Variants in MACROD1 observed in about 807,000 individuals in gnomAD.
MACROD1 encodes the protein mono-ADP ribosylhydrolase 1, also known as ADP-ribose glycohydrolase MACROD1.
A neutral mutation model predicts 41.4 loss-of-function variants in MACROD1; 31 were observed. That is an observed-to-expected ratio of 0.75 (90% CI 0.56 to 1.01). The LOEUF is 1.01. Ranked by LOEUF, MACROD1 falls within the 50% of genes least tolerant of loss-of-function variation. MACROD1 has a pLI of 0.00. For synonymous variants in MACROD1, 252 were observed against 203.4 expected (o/e 1.24, Z -2.03); for missense variants, 473 against 460.0 (o/e 1.03, Z -0.26).
intron 3 of MACROD1, among the ~76,000 whole-genome samples, chr11:64,110,236 G>T (rs1565236964): frequency 6.6e-6 from 1 of 152,078 alleles, no homozygotes; most frequent in Non-Finnish European, 1.5e-5. Flanking sequence ...GATTGCTTGA[G>T]CCTAGGAGTT....
At chr11:64,133,567 G>A (rs1400765665) in intron 3 of MACROD1, among the ~76,000 whole-genome samples, 1 of 152,206 alleles carries the variant, frequency 6.6e-6, no homozygotes, top group Non-Finnish European at 1.5e-5. Flanking sequence ...GACACAGGTA[G>A]AGCAGGCAGA....
At chr11:64,128,765 C>A (rs1590949547) in intron 3 of MACROD1, among the ~76,000 whole-genome samples, 1 of 152,144 alleles carries the variant, frequency 6.6e-6, no homozygotes, top group African/African-American at 2.4e-5. Context: ...CTCACCTGCA[C>A]AGGTGACCCC....
intron 4 of MACROD1, among the ~76,000 whole-genome samples, chr11:64,010,389 G>A (rs1352501510): frequency 1.3e-5 from 2 of 150,858 alleles, no homozygotes; most frequent in Admixed American, 6.6e-5. Context: ...TGGCTGGGGT[G>A]TTGACCGGGG....
intron 3 of MACROD1, among the ~76,000 whole-genome samples, chr11:64,128,027 T>C (rs186431111): frequency 2.6e-5 from 4 of 152,334 alleles, no homozygotes; most frequent in Admixed American, 2.6e-4. Context: ...TTTTTCCTTA[T>C]ATTCCAAAGA....
chr11:64,123,762 G>T (rs1043612392), intron 3 of MACROD1, among the ~76,000 whole-genome samples: 4 of 152,128 alleles, frequency 2.6e-5, no homozygotes, highest in Non-Finnish European at 5.9e-5. Flanking sequence ...GTTCTGGGTG[G>T]GTCTGTCTCC....
intron 4 of MACROD1, among the ~76,000 whole-genome samples, chr11:64,006,135 C>T (rs1040825071): frequency 3.9e-5 from 6 of 152,238 alleles, no homozygotes; most frequent in African/African-American, 9.6e-5. Context: ...CTTGCTGCCC[C>T]AGGCTTCTAA....
chr11:64,077,853 AGGAGCC>A (rs1944232135), intron 3 of MACROD1, among the ~76,000 whole-genome samples: 1 of 152,192 alleles, frequency 6.6e-6, no homozygotes, highest in Non-Finnish European at 1.5e-5. Context: ...GGTGGGCTTC[AGGAGCC>A]CAGGGCCCCC....
intron 3 of MACROD1, among the ~76,000 whole-genome samples, chr11:64,099,487 C>T (rs2845889): frequency 0.26 from 39,579 of 151,780 alleles, 5,690 homozygotes; most frequent in Admixed American, 0.35. Flanking sequence ...AATGGAGAGA[C>T]GGATGGATGA....
At chr11:64,057,962 G>A (rs372466012) in intron 3 of MACROD1, among the ~76,000 whole-genome samples, 2 of 152,178 alleles carry the variant, frequency 1.3e-5, no homozygotes, top group East Asian at 1.9e-4. Flanking sequence ...CCAAGACAAC[G>A]CTGCCACTGC....
At chr11:64,130,821 T>C (rs1945255403) in intron 3 of MACROD1, among the ~76,000 whole-genome samples, 1 of 152,204 alleles carries the variant, frequency 6.6e-6, no homozygotes, top group Admixed American at 6.5e-5. Context: ...AAACAGGCTC[T>C]CTGGAGTGCT....
At chr11:64,151,742 C>T (rs1590972461) in intron 2 of MACROD1, among the ~76,000 whole-genome samples, 1 of 152,338 alleles carries the variant, frequency 6.6e-6, no homozygotes, top group East Asian at 1.9e-4. Flanking sequence ...CAGCTCCCCA[C>T]AAGCAAGTAA....
intron 3 of MACROD1, among the ~76,000 whole-genome samples, chr11:64,099,014 G>A (rs1944625617): frequency 6.6e-6 from 1 of 152,254 alleles, no homozygotes; most frequent in Non-Finnish European, 1.5e-5. Context: ...GTAAAGCTGA[G>A]GGCCTGAGGA....
chr11:64,077,822 A>G (rs1212642), intron 3 of MACROD1, among the ~76,000 whole-genome samples: 90,973 of 152,120 alleles, frequency 0.6, 27,579 homozygotes, highest in Admixed American at 0.64. Flanking sequence ...ACATTTGGGC[A>G]AGGAGTCTCC....
rs369397837 is a variant in MACROD1 at position 64,015,284 on chromosome 11, G to A, written c.518-3C>T. 1.1e-5 allele frequency: 18 copies of A among 1,605,920 alleles called. No individual in the cohort carries two copies. The highest frequency in any genetic ancestry group is 1.5e-5 in the Non-Finnish European group (18 of 1,176,282). The stretch of plus-strand genomic sequence containing the variant: ...GCCTCCGAGCAGGGAGCTGTTGGCT[G>A]CAAGAGAGAGAGACAAAGGCAGATC... On this transcript the variant is annotated splice_polypyrimidine_tract_variant and splice_region_variant and intron_variant, in intron 3 of 10. Transcript: ENST00000255681.
chr11:64,008,532 G>A (rs1942951958), intron 4 of MACROD1, among the ~76,000 whole-genome samples: 1 of 152,136 alleles, frequency 6.6e-6, no homozygotes, highest in African/African-American at 2.4e-5. Context: ...TAGGCGGGAG[G>A]GTTGCGACAG....
rs570398763 is a variant in MACROD1, at chr11:64,090,668, C to G, written c.517+60571G>C. Among the ~76,000 whole-genome samples, 2 of 152,318 alleles carry G rather than the reference C, an allele frequency of 1.3e-5. No homozygotes were observed. The highest frequency in any genetic ancestry group is 4.8e-5 in the African/African-American group (2 of 41,570). ...CCCAGGCCTTGTCCCCAGCCACCAA[C>G]AGACCACTTCTCTGAGGCGGGGACG... On this transcript the variant is annotated intron_variant, in intron 3 of 10. Transcript: ENST00000255681. The surrounding 1 kb of genome is among the most constrained non-coding windows in gnomAD (Gnocchi z 4.7).
intron 1 of MACROD1, 40 bp downstream of exon 1, chr11:64,165,657 G>A: frequency 7.4e-7 from 1 of 1,351,832 alleles, no homozygotes; most frequent in Non-Finnish European, 9.6e-7. Context: ...CTCCACGTGA[G>A]GCCGCCCTCT....
chr11:64,144,742 C>T (rs919753984), intron 3 of MACROD1, among the ~76,000 whole-genome samples: 1 of 152,240 alleles, frequency 6.6e-6, no homozygotes, highest in South Asian at 2.1e-4. Flanking sequence ...GTCGCTGGCC[C>T]GGCCATCTCC....
intron 3 of MACROD1, chr11:64,117,292 G>C (rs1945005294): frequency 6.2e-7 from 1 of 1,614,042 alleles, no homozygotes. Context: ...CTGCGGGACT[G>C]GGTGAAGGCA....
Sources: allele counts gnomAD v4.1 joint callset (sites outside exome capture counted in the v4.1 genomes callset), GRCh38; gene constraint gnomAD v4.1.1; non-coding constraint Gnocchi (gnomAD v3.1); transcripts MANE v1.5; gene names NCBI Gene and HGNC (gene_info 2026-07-23, HGNC 2026-07-21).